SND1: variants seen among roughly 807,000 people sequenced by gnomAD.
SND1 encodes the protein staphylococcal nuclease domain-containing protein 1.
SND1 carries 38 observed loss-of-function variants against 121.7 expected under a neutral mutation model. The ratio of observed to expected loss-of-function variants is 0.31; its 90% CI spans 0.24 to 0.41. The LOEUF is 0.41. Among genes scored for constraint, SND1 ranks in the 10% least tolerant of loss-of-function variants. The pLI, the probability that SND1 is intolerant of heterozygous loss-of-function variation, is 1.00. For missense variants in SND1, 868 were observed against 1,184.6 expected, an observed-to-expected ratio of 0.73 and a Z score of 3.92; for synonymous variants, 401 against 447.4, an observed-to-expected ratio of 0.90 and a Z score of 1.31.
At chr7:127,703,954 G>A (rs917534398) in intron 7 of SND1, among the ~76,000 whole-genome samples, 4 of 152,160 alleles carry the variant, frequency 2.6e-5, no homozygotes, top group African/African-American at 7.2e-5. Context: ...ATGAGGTCTA[G>A]AAGTCAGCTA....
intron 10 of SND1, among the ~76,000 whole-genome samples, chr7:127,724,380 T>C (rs1468994209): frequency 6.6e-6 from 1 of 152,072 alleles, no homozygotes; most frequent in Non-Finnish European, 1.5e-5. Context: ...AAGAATGAGT[T>C]TTGGGGACTA....
At position 127,837,363 on chromosome 7, in the gene SND1, GACACGATGTTTTAGAAATTTTGCAT is replaced by G. The variant is rs532845494; in HGVS notation, c.1243-6960_1243-6936del. 1.9e-4 allele frequency among the ~76,000 whole-genome samples: 29 copies of G among 152,262 alleles called. No homozygotes were observed. In the East Asian group the frequency reaches 5.2e-3, roughly 27 times the overall value. ...ACTTTTATAATATTTGTTATATATT[GACACGATGTTTTAGAAATTTTGCAT>G]TAAATAAAAAATCATATTAAAATTA... On this transcript the variant is annotated intron_variant, in intron 11 of 23. Coordinates refer to ENST00000354725, the MANE Select transcript of SND1 (RefSeq NM_014390.4).
intron 14 of SND1, among the ~76,000 whole-genome samples, chr7:127,921,870 A>G: frequency 6.6e-6 from 1 of 152,202 alleles, no homozygotes; most frequent in Non-Finnish European, 1.5e-5. Context: ...TTTAGCGTAG[A>G]GTAGTATTCC....
intron 15 of SND1, among the ~76,000 whole-genome samples, chr7:127,941,834 T>G (rs1293800784): frequency 2.6e-5 from 4 of 152,112 alleles, no homozygotes; most frequent in Non-Finnish European, 2.9e-5. Context: ...TTTAGTCTCT[T>G]TTTTAGCAAA....
intron 16 of SND1, among the ~76,000 whole-genome samples, chr7:128,043,430 C>T (rs1264493565): frequency 1.3e-5 from 2 of 151,916 alleles, no homozygotes; most frequent in South Asian, 2.1e-4. Context: ...AAAAATTAGC[C>T]AGGTGTAGTG....
chr7:127,737,662 G>C (rs1322427322), intron 10 of SND1, among the ~76,000 whole-genome samples: 1 of 152,170 alleles, frequency 6.6e-6, no homozygotes, highest in African/African-American at 2.4e-5. Context: ...TAAAGTGGTT[G>C]GGACCAGAAG....
At chr7:128,067,585 T>A (rs1793337402) in intron 16 of SND1, among the ~76,000 whole-genome samples, 1 of 152,188 alleles carries the variant, frequency 6.6e-6, no homozygotes, top group African/African-American at 2.4e-5. Flanking sequence ...CTGCCTGTCC[T>A]GCTTGAGGCA....
Position 127,813,169 on chromosome 7 carries a change from C to T in SND1, c.1242+5596C>T, listed in dbSNP as rs367910599. Among the ~76,000 whole-genome samples, 25 of 152,266 alleles carry T rather than the reference C, an allele frequency of 1.6e-4. No individual in the cohort carries two copies. The South Asian group carries it at 3.1e-3, about 19-fold the overall frequency. ...GCTGTTTTGAATGACTTGTAATTTCCGACCATGCATTTTTCTAGGAAGAGT... is the reference window on the plus strand; with the variant it reads ...GCTGTTTTGAATGACTTGTAATTTCTGACCATGCATTTTTCTAGGAAGAGT... On this transcript the variant is annotated intron_variant, in intron 11 of 23. Coordinates refer to ENST00000354725, the MANE Select transcript of SND1 (RefSeq NM_014390.4).
At chr7:127,915,878 A>G (rs1242418733) in intron 14 of SND1, among the ~76,000 whole-genome samples, 1 of 152,210 alleles carries the variant, frequency 6.6e-6, no homozygotes, top group Non-Finnish European at 1.5e-5. Flanking sequence ...TGAGGATAGT[A>G]ATGGGAGAAT....
chr7:127,818,524 TCCCTCTCAGC>T (rs1020935254), intron 11 of SND1, among the ~76,000 whole-genome samples: 4 of 152,212 alleles, frequency 2.6e-5, no homozygotes, highest in African/African-American at 9.7e-5. Context: ...TGTTCCCATC[TCCCTCTCAGC>T]CCCTGGCTTG....
intron 10 of SND1, among the ~76,000 whole-genome samples, chr7:127,734,740 C>T (rs1246591585): frequency 6.6e-6 from 1 of 152,166 alleles, no homozygotes; most frequent in Non-Finnish European, 1.5e-5. Flanking sequence ...CGGAGGAAAT[C>T]TTGTCCTTGT....
intron 11 of SND1, among the ~76,000 whole-genome samples, chr7:127,820,857 T>A (rs981025239): frequency 1.3e-5 from 2 of 152,234 alleles, no homozygotes; most frequent in Non-Finnish European, 2.9e-5. Context: ...AGTGGATCCC[T>A]GGGACCTTTC....
At chr7:128,071,185 A>G (rs1239312360) in intron 16 of SND1, among the ~76,000 whole-genome samples, 1 of 152,244 alleles carries the variant, frequency 6.6e-6, no homozygotes, top group East Asian at 1.9e-4. Context: ...AGCTTCATTC[A>G]GGCATAAGTC....
chr7:128,079,059 G>A (rs1053588375), intron 17 of SND1, among the ~76,000 whole-genome samples: 7 of 152,216 alleles, frequency 4.6e-5, no homozygotes, highest in African/African-American at 9.6e-5. Context: ...TGACAGTCTC[G>A]TCTCTGAGGC....
chr7:127,802,942 C>T (rs1171462935), intron 10 of SND1, among the ~76,000 whole-genome samples: 5 of 152,208 alleles, frequency 3.3e-5, no homozygotes, highest in African/African-American at 1.2e-4. Flanking sequence ...CCACTTCTTG[C>T]CTTCCTCACT....
At chr7:127,991,264 C>T (rs1802518607) in intron 16 of SND1, among the ~76,000 whole-genome samples, 1 of 152,188 alleles carries the variant, frequency 6.6e-6, no homozygotes, top group Admixed American at 6.5e-5. Context: ...CACTGGTGGC[C>T]TGGGATGTGT....
chr7:127,688,634 A>G (rs1213146865), intron 2 of SND1, among the ~76,000 whole-genome samples: 2 of 151,342 alleles, frequency 1.3e-5, no homozygotes, highest in Non-Finnish European at 2.9e-5. Context: ...AGGTGGAAGG[A>G]TCACTTGAAC....
chr7:127,905,693 G>T (rs1437656546), intron 14 of SND1, among the ~76,000 whole-genome samples: 1 of 152,148 alleles, frequency 6.6e-6, no homozygotes, highest in Non-Finnish European at 1.5e-5. Flanking sequence ...GGCACTCTCT[G>T]TTGCCAAGAC....
At chr7:127,890,860 G>T (rs1004536666) in intron 13 of SND1, among the ~76,000 whole-genome samples, 8 of 152,272 alleles carry the variant, frequency 5.3e-5, no homozygotes, top group Admixed American at 2.6e-4. Flanking sequence ...AGAGATAATT[G>T]TGTTGAGCCA....
Sources: allele counts gnomAD v4.1 joint callset (sites outside exome capture counted in the v4.1 genomes callset), GRCh38; gene constraint gnomAD v4.1.1; transcripts MANE v1.5; gene names NCBI Gene and HGNC (gene_info 2026-07-23, HGNC 2026-07-21).